PORCN: variants seen among roughly 807,000 people sequenced by gnomAD.
PORCN encodes the protein protein-serine O-palmitoleoyltransferase porcupine.
Under a neutral mutation model 43.0 loss-of-function variants are expected in PORCN, and 1 was observed. That is an observed-to-expected ratio of 0.02 (90% CI 0.01 to 0.11). PORCN has a LOEUF of 0.11. Ranked by LOEUF, PORCN falls within the 10% of genes least tolerant of loss-of-function variation. PORCN has a pLI of 1.00. For missense variants in PORCN, 240 were observed against 392.1 expected (o/e 0.61, Z 3.28); for synonymous variants, 148 against 166.4 (o/e 0.89, Z 0.85).
At chrX:48,513,999 A>G (rs2061695105) in intron 7 of PORCN, 128 bp from the exon 8 acceptor site, 1 of 764,029 alleles carries the variant, frequency 1.3e-6, no homozygotes, top group East Asian at 3.4e-5. Context: ...GTGTGTGACT[A>G]TCATAGTTCA....
Position 48,515,774 on chromosome X carries a change from C to T in PORCN, c.1004C>T (p.Ala335Val), listed in dbSNP as rs200613551. ...GTFSAVLVTY[A>V]ASALLHGFSF... is the part of the protein sequence containing the mutation. ...TTCTCGGCTGTGCTGGTCACCTATGCAGCCAGCGCCCTCCTACATGTGAGC... is the reference window on the plus strand; with the variant it reads ...TTCTCGGCTGTGCTGGTCACCTATGTAGCCAGCGCCCTCCTACATGTGAGC... Residue 335 changes from alanine (A) to valine (V), a missense_variant, in exon 11 of 15, where the codon GCA becomes GTA. By Grantham distance (64) the Ala-to-Val change is moderately conservative (BLOSUM62 0). Coordinates refer to ENST00000326194, the MANE Select transcript of PORCN (RefSeq NM_203475.3). The T allele has an allele frequency of 1.7e-6, 2 of 1,209,346 alleles. No individual in the cohort carries two copies. Among genetic ancestry groups the T allele is most frequent in the Non-Finnish European group, 2.2e-6 (2 of 894,129 alleles).
chrX:48,513,275 T>G (rs1460365302), intron 7 of PORCN, among the ~76,000 whole-genome samples: 1 of 112,561 alleles, frequency 8.9e-6, no homozygotes, highest in Admixed American at 9.4e-5. Context: ...TGTCATTGGA[T>G]AAGATAAATC....
rs782481747 is a variant in PORCN, at chrX:48,515,952, T to C, written c.1086T>C (p.His362=). 8 of 1,208,774 alleles carry C rather than the reference T, an allele frequency of 6.6e-6. No individual in the cohort carries two copies. The South Asian group carries it at 1.2e-4, about 19-fold the overall frequency. The change falls in exon 12 of 15, where the codon CAT becomes CAC. Residue 362 remains histidine (H), a splice_region_variant and synonymous_variant. Coordinates refer to ENST00000326194, the MANE Select transcript of PORCN (RefSeq NM_203475.3). ...TGGCTTTTATCACTTACGTGGAGCATGGTGAGTGCAGGGCCCAGCCCAGCC... is the reference window on the plus strand; with the variant it reads ...TGGCTTTTATCACTTACGTGGAGCACGGTGAGTGCAGGGCCCAGCCCAGCC... ...LSLAFITYVE[H]VLRKRLARIL...
At chrX:48,509,180 G>A (rs2061655536) in intron 1 of PORCN, 77 bp downstream of exon 1, 1 of 163,582 alleles carries the variant, frequency 6.1e-6, no homozygotes, top group Non-Finnish European at 1.2e-5. Flanking sequence ...TCTGTAGCGC[G>A]AGTGCTAGGA....
intron 12 of PORCN, 49 bp downstream of exon 12, chrX:48,516,002 G>C: frequency 8.3e-7 from 1 of 1,201,725 alleles, no homozygotes; most frequent in Non-Finnish European, 1.1e-6. Flanking sequence ...TGGTGGGGGG[G>C]CTGGAGACAG....
intron 14 of PORCN, among the ~76,000 whole-genome samples, chrX:48,520,040 A>G (rs1172032498): frequency 8.9e-6 from 1 of 111,933 alleles, no homozygotes; most frequent in Non-Finnish European, 1.9e-5. Flanking sequence ...AATGAGGCTG[A>G]GCATCTTTTC....
rs782715995 is a variant in PORCN at position 48,511,288 on chromosome X, C to T, written c.137-7C>T. The T allele has an allele frequency of 9.2e-7, 1 of 1,085,650 alleles. No individual in the cohort carries two copies. The highest frequency in any genetic ancestry group is 1.2e-6 in the Non-Finnish European group (1 of 816,060). 89.5% of individuals were successfully genotyped at this position (1,085,650 alleles called of 1,213,427 possible). On this transcript the variant is annotated splice_polypyrimidine_tract_variant and splice_region_variant and intron_variant, in intron 2 of 14. Transcript: ENST00000326194. ...TCTCTCCCTTTCTTTCTCCCTTTCA[C>T]CCAAAGGGTTGCCATCCTACCTGAA... is the stretch of plus-strand genomic sequence containing the variant.
Position 48,515,965 on chromosome X carries a change from G to T in PORCN, c.1087+12G>T, listed in dbSNP as rs782248862. ...TTACGTGGAGCATGGTGAGTGCAGG[G>T]CCCAGCCCAGCCGTTGGATAGAAGG... On this transcript the variant is annotated intron_variant, in intron 12 of 14. Coordinates refer to ENST00000326194, the MANE Select transcript of PORCN (RefSeq NM_203475.3). 8.3e-7 allele frequency: 1 copy of T among 1,209,096 alleles called. No homozygotes were observed. The highest frequency in any genetic ancestry group is 1.1e-6 in the Non-Finnish European group (1 of 893,690).
chrX:48,512,999 G>A, intron 7 of PORCN, 147 bp downstream of exon 7: 2 of 718,095 alleles, frequency 2.8e-6, no homozygotes, highest in Non-Finnish European at 4.4e-6. Flanking sequence ...GCTGGCTGAC[G>A]AAGCTTGGCT....
At chrX:48,518,820 CTT>C (rs1250444861) in intron 14 of PORCN, among the ~76,000 whole-genome samples, 3 of 101,124 alleles carry the variant, frequency 3.0e-5, no homozygotes. Flanking sequence ...ATTTGCTTTT[CTT>C]TTTTTTTTTT....
At chrX:48,509,484 G>T in intron 1 of PORCN, 1 of 976,327 alleles carries the variant, frequency 1.0e-6, no homozygotes, top group Non-Finnish European at 1.3e-6. Context: ...TTTGATATAT[G>T]GGCCTGAAAT....
At chrX:48,510,899 A>T (rs185359925) in intron 2 of PORCN, among the ~76,000 whole-genome samples, 91 of 111,841 alleles carry the variant, frequency 8.1e-4, no homozygotes, top group Non-Finnish European at 1.4e-3. Flanking sequence ...GAACAAGGAC[A>T]TCATCTCCCA....
chrX:48,513,142 T>C (rs1556974369), intron 7 of PORCN, among the ~76,000 whole-genome samples: 2 of 112,589 alleles, frequency 1.8e-5, no homozygotes, highest in Non-Finnish European at 3.8e-5. Flanking sequence ...TGGGTGACTT[T>C]AACCTGTCAG....
chrX:48,515,562 G>A (rs782723453), intron 10 of PORCN, 155 bp from the exon 11 acceptor site: 6 of 507,974 alleles, frequency 1.2e-5, no homozygotes, highest in Non-Finnish European at 2.1e-5. Flanking sequence ...GGGAAGATCG[G>A]GAGCTGGGCT....
intron 14 of PORCN, among the ~76,000 whole-genome samples, chrX:48,518,408 A>G (rs1278441600): frequency 9.1e-6 from 1 of 110,325 alleles, no homozygotes; most frequent in Non-Finnish European, 1.9e-5. Context: ...TTTAGTAGAG[A>G]TGGGATTTCG....
chrX:48,512,199 A>G (rs2061681519), intron 4 of PORCN, 127 bp from the exon 5 acceptor site: 2 of 780,350 alleles, frequency 2.6e-6, no homozygotes, highest in Admixed American at 2.7e-5. Context: ...CCACCTGCCT[A>G]TCTGTCCCAT....
At chrX:48,515,836 G>A (rs1556975170) in intron 11 of PORCN, 43 bp downstream of exon 11, 2 of 1,195,442 alleles carry the variant, frequency 1.7e-6, no homozygotes, top group Admixed American at 4.4e-5. Flanking sequence ...CTGGGTGGGG[G>A]CGGGTGGCAG....
chrX:48,514,334 G>T lies in PORCN; in HGVS notation c.814G>T (p.Gly272Cys), dbSNP rs1556974716. The T allele has an allele frequency of 8.3e-7, 1 of 1,211,921 alleles. No individual in the cohort carries two copies. The highest frequency in any genetic ancestry group is 2.2e-5 in the Admixed American group (1 of 46,086). ...SEATATLAGA[G>C]FTEEKDHLEW... ...GGCCACGGCCACGTTGGCGGGGGCT[G>T]GCTTTACCGAGGAGAAGGATCACCT... The change falls in exon 9 of 15, where the codon GGC (glycine) becomes TGC (cysteine). Residue 272 changes from glycine (G) to cysteine (C), a missense_variant. By Grantham distance (159) the Gly-to-Cys change is radical. Transcript: ENST00000326194.
At chrX:48,509,522 G>T (rs2061659118) in intron 1 of PORCN, 1 of 1,044,252 alleles carries the variant, frequency 9.6e-7, no homozygotes, top group African/African-American at 1.9e-5. Context: ...CATCGGACTG[G>T]ACTGTTCACA....
Sources: allele counts gnomAD v4.1 joint callset (sites outside exome capture counted in the v4.1 genomes callset), GRCh38; gene constraint gnomAD v4.1.1; transcripts MANE v1.5; gene names NCBI Gene and HGNC (gene_info 2026-07-23, HGNC 2026-07-21).